RPRD2: variants seen among roughly 807,000 people sequenced by gnomAD.
RPRD2 encodes regulation of nuclear pre-mRNA domain containing 2, also known as regulation of nuclear pre-mRNA domain-containing protein 2.
A neutral mutation model predicts 104.4 loss-of-function variants in RPRD2; 12 were observed. The ratio of observed to expected loss-of-function variants is 0.11; its 90% CI spans 0.07 to 0.19. The LOEUF is 0.19. RPRD2 is among the 10% of genes least tolerant of loss of function. The pLI is 1.00. For synonymous variants in RPRD2, 714 were observed against 684.9 expected, an observed-to-expected ratio of 1.04 and a Z score of -0.66; for missense variants, 1,543 against 1,790.1, an observed-to-expected ratio of 0.86 and a Z score of 2.49.
At chr1:150,379,561 C>T (rs192166612) in intron 1 of RPRD2, among the ~76,000 whole-genome samples, 1 of 151,984 alleles carries the variant, frequency 6.6e-6, no homozygotes, top group Non-Finnish European at 1.5e-5. Context: ...TGCCACCATG[C>T]CCGGCTAATT....
chr1:150,472,600 G>T lies in RPRD2; in HGVS notation c.3652G>T (p.Val1218Phe), dbSNP rs1668664497. The change falls in exon 11 of 11, where the codon GTC (valine) becomes TTC (phenylalanine). Residue 1218 changes from valine (V) to phenylalanine (F), a missense_variant. By Grantham distance (50) the Val-to-Phe change is conservative. This residue lies in a region of RPRD2 where 880 missense variants were observed against 885.6 expected (regional missense o/e 0.99). Coordinates refer to ENST00000369068, the MANE Select transcript of RPRD2 (RefSeq NM_015203.5). ...AGTGGGGCCATCATCTGCCCCACCT[G>T]TCCCTCCTAAGGATCATGGTGGTAT... The part of the protein sequence containing the change: ...EPVGPSSAPP[V>F]PPKDHGGIFS... 1 of 1,613,876 alleles carries T rather than the reference G, an allele frequency of 6.2e-7. No homozygotes were observed. Among genetic ancestry groups the T allele is most frequent in the Non-Finnish European group, 8.5e-7 (1 of 1,179,844 alleles).
intron 2 of RPRD2, among the ~76,000 whole-genome samples, chr1:150,420,836 A>G (rs1370529828): frequency 2.6e-5 from 4 of 152,228 alleles, no homozygotes; most frequent in Non-Finnish European, 5.9e-5. Context: ...AAGAAAAAGA[A>G]AAAAGGAATG....
chr1:150,399,786 A>G (rs1662835759), intron 1 of RPRD2, among the ~76,000 whole-genome samples: 1 of 151,808 alleles, frequency 6.6e-6, no homozygotes, highest in Non-Finnish European at 1.5e-5. Context: ...TTGCCCACGT[A>G]TATATATGCT....
intron 1 of RPRD2, among the ~76,000 whole-genome samples, chr1:150,372,038 C>T (rs1260367): frequency 0.33 from 49,976 of 151,980 alleles, 8,939 homozygotes; most frequent in Non-Finnish European, 0.4. Flanking sequence ...AAGCTATCGT[C>T]TAGGTAAAAA....
At chr1:150,388,375 C>CGTATACACGTGTATATACGT (rs33946912) in intron 1 of RPRD2, among the ~76,000 whole-genome samples, 3 of 142,962 alleles carry the variant, frequency 2.1e-5, no homozygotes, top group Admixed American at 7.3e-5. Context: ...CATGTATACA[C>CGTATACACGTGTATATACGT]ATATACACGT....
chr1:150,439,054 C>G (rs1277761426), intron 2 of RPRD2, among the ~76,000 whole-genome samples: 1 of 152,062 alleles, frequency 6.6e-6, no homozygotes, highest in Non-Finnish European at 1.5e-5. Flanking sequence ...AGGATGGTCT[C>G]GATCTCTTGA....
At chr1:150,454,896 A>G (rs1667422077) in intron 7 of RPRD2, among the ~76,000 whole-genome samples, 2 of 145,430 alleles carry the variant, frequency 1.4e-5, no homozygotes, top group East Asian at 3.9e-4. Flanking sequence ...AAATAATAAC[A>G]CAATCTAATG....
intron 2 of RPRD2, among the ~76,000 whole-genome samples, chr1:150,432,445 G>A (rs1367933466): frequency 1.3e-5 from 2 of 151,980 alleles, no homozygotes; most frequent in Non-Finnish European, 2.9e-5. Context: ...TCCTTAATGT[G>A]GTAGTATTAA....
rs587596692 is a variant in RPRD2 at position 150,364,560 on chromosome 1, C to A, written c.-155C>A. 4 of 575,950 alleles carry A rather than the reference C, an allele frequency of 6.9e-6. No individual in the cohort carries two copies. The highest frequency in any genetic ancestry group is 3.4e-5 in the Admixed American group (1 of 29,176). 35.7% of individuals were successfully genotyped at this position (575,950 alleles called of 1,614,324 possible). A position where few individuals can be genotyped will look rare whatever the true frequency, so the allele number is the denominator to read the frequency against. Reference sequence around the variant, plus strand: ...CCAGCAGCTGGTGTTCCCGTCCGTACCTCCAGAAGAGCCCAGCGCGTGCAC... The same window carrying A: ...CCAGCAGCTGGTGTTCCCGTCCGTAACTCCAGAAGAGCCCAGCGCGTGCAC... On this transcript the variant is annotated 5_prime_UTR_variant, in exon 1 of 11. Transcript: ENST00000369068.
At chr1:150,425,048 AT>A (rs1665024008) in intron 2 of RPRD2, among the ~76,000 whole-genome samples, 1 of 152,306 alleles carries the variant, frequency 6.6e-6, no homozygotes, top group East Asian at 1.9e-4. Context: ...GTGTGCATAG[AT>A]TTGAATTCTG....
At chr1:150,384,534 C>T (rs34353365) in intron 1 of RPRD2, among the ~76,000 whole-genome samples, 1 of 150,136 alleles carries the variant, frequency 6.7e-6, no homozygotes, top group Non-Finnish European at 1.5e-5. Flanking sequence ...TGCAGTGGCA[C>T]GATCTCTGCT....
At chr1:150,410,618 G>T (rs933675885) in intron 1 of RPRD2, among the ~76,000 whole-genome samples, 4 of 152,062 alleles carry the variant, frequency 2.6e-5, no homozygotes, top group African/African-American at 9.7e-5. Flanking sequence ...CTCTCTTACT[G>T]CTCTCTCTAC....
chr1:150,472,097 C>T lies in RPRD2; in HGVS notation c.3149C>T (p.Thr1050Ile), dbSNP rs376874270. 2 of 1,613,846 alleles carry T rather than the reference C, an allele frequency of 1.2e-6. No homozygotes were observed. The highest frequency in any genetic ancestry group is 1.7e-6 in the Non-Finnish European group (2 of 1,179,896). The stretch of plus-strand genomic sequence containing the variant: ...TCAAACCTCACCCAACCCAGCTTGA[C>T]CGCCACTGATCAGCAGCAACAAGAA... ...SLSNLTQPSL[T>I]ATDQQQQEEH... The change falls in exon 11 of 11, where the codon ACC (threonine) becomes ATC (isoleucine). Residue 1050 changes from threonine (T) to isoleucine (I), a missense_variant. Thr to Ile is a moderately conservative substitution (Grantham distance 89). This residue lies in a region of RPRD2 where 880 missense variants were observed against 885.6 expected (regional missense o/e 0.99). Coordinates refer to ENST00000369068, the MANE Select transcript of RPRD2 (RefSeq NM_015203.5).
At chr1:150,433,824 TATA>T (rs1193179671) in intron 2 of RPRD2, among the ~76,000 whole-genome samples, 3 of 90,716 alleles carry the variant, frequency 3.3e-5, no homozygotes, top group East Asian at 3.9e-4. Flanking sequence ...ATATATGTAA[TATA>T]ATATACATAA....
chr1:150,398,838 C>A lies in RPRD2; in HGVS notation c.206-18758C>A, dbSNP rs1473546143. On this transcript the variant is annotated intron_variant, in intron 1 of 10. Transcript: ENST00000369068. ...GGTTACAGGCATGAGACACCACACC[C>A]GGCCTTAACAGCATTTTTAAAAAAG... is the stretch of plus-strand genomic sequence containing the variant. Among the ~76,000 whole-genome samples, 9 of 151,986 alleles carry A rather than the reference C, an allele frequency of 5.9e-5. No individual in the cohort carries two copies. The South Asian group carries it at 1.9e-3, about 32-fold the overall frequency.
At chr1:150,442,126 T>TAAA (rs59941019) in intron 4 of RPRD2, among the ~76,000 whole-genome samples, 168 bp downstream of exon 4, 10,537 of 126,268 alleles carry the variant, frequency 0.083, 535 homozygotes, top group Non-Finnish European at 0.12. Flanking sequence ...GAGATACTTC[T>TAAA]AAAAAAAAAA....
At chr1:150,464,821 A>G (rs1440237989) in intron 10 of RPRD2, 94 bp downstream of exon 10, 10 of 817,442 alleles carry the variant, frequency 1.2e-5, no homozygotes, top group Non-Finnish European at 2.0e-5. Flanking sequence ...CCAGAGCCAT[A>G]AAATGTATAA....
chr1:150,397,329 A>G (rs1662604114), intron 1 of RPRD2, among the ~76,000 whole-genome samples: 1 of 152,082 alleles, frequency 6.6e-6, no homozygotes, highest in African/African-American at 2.4e-5. Flanking sequence ...GGTGGTGGGG[A>G]GTCAGGTTTA....
At chr1:150,415,128 C>G (rs1553888327) in intron 1 of RPRD2, among the ~76,000 whole-genome samples, 1 of 151,982 alleles carries the variant, frequency 6.6e-6, no homozygotes, top group East Asian at 1.9e-4. Flanking sequence ...ATTTCAAGAC[C>G]AGCCTGCCAG....
Sources: gnomAD v4.1 joint callset for allele counts (sites outside exome capture counted in the v4.1 genomes callset) on GRCh38, gnomAD v4.1.1 for gene constraint, gnomAD v4.1.1 regional missense constraint, MANE v1.5 for transcripts, NCBI Gene and HGNC (gene_info 2026-07-23, HGNC 2026-07-21) for gene names.